Variants in LINGO2 observed in about 807,000 individuals in gnomAD.
LINGO2 encodes the protein leucine rich repeat and Ig domain containing 2.
A neutral mutation model predicts 30.6 loss-of-function variants in LINGO2; 14 were observed. That is an observed-to-expected ratio of 0.46 (90% confidence interval 0.30 to 0.72). The LOEUF is 0.72. Ranked by LOEUF, LINGO2 falls within the 30% of genes least tolerant of loss-of-function variation. LINGO2 has a pLI of 0.07. For missense variants in LINGO2, 729 were observed against 751.7 expected, an observed-to-expected ratio of 0.97 and a Z score of 0.35; for synonymous variants, 317 against 288.5, an observed-to-expected ratio of 1.10 and a Z score of -1.00.
chr9:29,104,625 C>A, the LINGO2 span, among the ~76,000 whole-genome samples: 1 of 151,940 alleles, frequency 6.6e-6, no homozygotes, highest in Non-Finnish European at 1.5e-5. Context: ...GACGAAATAC[C>A]AAAGAAGTCT....
the LINGO2 span, among the ~76,000 whole-genome samples, chr9:28,760,945 T>TACACACACACATAC: frequency 0.37 from 50,401 of 135,680 alleles, 10,021 homozygotes; most frequent in East Asian, 0.71. Flanking sequence ...TATATATATA[T>TACACACACACATAC]ACACACACAC....
chr9:28,048,720 TAAAGG>T (rs753837483), intron 4 of LINGO2, among the ~76,000 whole-genome samples: 2 of 150,736 alleles, frequency 1.3e-5, no homozygotes, highest in Non-Finnish European at 1.5e-5. Context: ...TGTCCAAGAT[TAAAGG>T]AAAAGATTTA....
the LINGO2 span, among the ~76,000 whole-genome samples, chr9:29,156,713 TAGAC>T: frequency 3.3e-5 from 5 of 152,068 alleles, no homozygotes; most frequent in South Asian, 2.1e-4. Flanking sequence ...CTAGCCTTCT[TAGAC>T]AGGTCTTTGA....
chr9:28,762,918 T>C, the LINGO2 span, among the ~76,000 whole-genome samples: 1 of 152,024 alleles, frequency 6.6e-6, no homozygotes, highest in African/African-American at 2.4e-5. Flanking sequence ...CAGAAATGTT[T>C]TTGAAAAGTA....
chr9:28,808,946 G>A, the LINGO2 span, among the ~76,000 whole-genome samples: 1 of 152,170 alleles, frequency 6.6e-6, no homozygotes, highest in Non-Finnish European at 1.5e-5. Context: ...AGTGCTGGGA[G>A]AAGCACTGGC....
chr9:28,302,634 G>C (rs540034295), intron 3 of LINGO2, among the ~76,000 whole-genome samples: 1 of 152,210 alleles, frequency 6.6e-6, no homozygotes, highest in South Asian at 2.1e-4. Flanking sequence ...TCACACCACT[G>C]TACTCCAACC....
chr9:28,329,539 T>A lies in LINGO2; in HGVS notation c.-245-34173A>T, dbSNP rs1825346440. ...ATTGACTCCTGGTACAACATGCATGTTCAGACTTGTTTGAGCCAGGGCTTC... is the reference window on the plus strand; with the variant it reads ...ATTGACTCCTGGTACAACATGCATGATCAGACTTGTTTGAGCCAGGGCTTC... On this transcript the variant is annotated intron_variant, in intron 3 of 5. Coordinates refer to ENST00000379992, the Ensembl canonical transcript of LINGO2. The surrounding 1 kb of genome is among the most constrained non-coding windows in gnomAD (Gnocchi z 4.5). 6.6e-6 allele frequency among the ~76,000 whole-genome samples: 1 copy of A among 152,144 alleles called. No homozygotes were observed. Among genetic ancestry groups the A allele is most frequent in the African/African-American group, 2.4e-5 (1 of 41,436 alleles).
At chr9:28,838,954 G>C in the LINGO2 span, among the ~76,000 whole-genome samples, 81 of 152,328 alleles carry the variant, frequency 5.3e-4, no homozygotes, top group African/African-American at 1.9e-3. Flanking sequence ...GCACCAGCAT[G>C]GGTGCCAGCT....
At chr9:28,677,388 G>T in the LINGO2 span, among the ~76,000 whole-genome samples, 2 of 152,278 alleles carry the variant, frequency 1.3e-5, no homozygotes, top group Admixed American at 1.3e-4. Flanking sequence ...GCTATCTGAA[G>T]GTATGGGCTA....
At chr9:28,125,675 T>G (rs1221988265) in intron 4 of LINGO2, among the ~76,000 whole-genome samples, 1 of 151,966 alleles carries the variant, frequency 6.6e-6, no homozygotes, top group Non-Finnish European at 1.5e-5. Flanking sequence ...AGACCAGAAC[T>G]CAGGGGAAAT....
the LINGO2 span, among the ~76,000 whole-genome samples, chr9:28,956,514 T>C: frequency 6.6e-6 from 1 of 152,086 alleles, no homozygotes; most frequent in Non-Finnish European, 1.5e-5. Flanking sequence ...CGTATAATGC[T>C]TGTGCACTAG....
At chr9:28,678,854 C>T in the LINGO2 span, among the ~76,000 whole-genome samples, 1 of 152,114 alleles carries the variant, frequency 6.6e-6, no homozygotes, top group South Asian at 2.1e-4. Context: ...CTCAACAGTA[C>T]TTTACTTAGA....
the LINGO2 span, among the ~76,000 whole-genome samples, chr9:28,841,814 A>C: frequency 1.3e-5 from 2 of 151,934 alleles, no homozygotes; most frequent in Admixed American, 6.5e-5. Context: ...ATAGCCACTC[A>C]AGAAATAGTT....
chr9:29,156,840 T>C, the LINGO2 span, among the ~76,000 whole-genome samples: 2 of 152,204 alleles, frequency 1.3e-5, no homozygotes, highest in African/African-American at 4.8e-5. Context: ...ATTCACTCTT[T>C]CAGGAGGGTA....
At chr9:29,206,414 G>C in the LINGO2 span, among the ~76,000 whole-genome samples, 2 of 152,154 alleles carry the variant, frequency 1.3e-5, no homozygotes, top group Admixed American at 6.5e-5. Flanking sequence ...CCAACACAAG[G>C]AGTCTATCGA....
intron 1 of LINGO2, among the ~76,000 whole-genome samples, chr9:28,563,533 C>G (rs576225683): frequency 6.6e-6 from 1 of 152,260 alleles, no homozygotes; most frequent in Non-Finnish European, 1.5e-5. Context: ...CATGTAATCT[C>G]AAATTAACTG....
At chr9:28,020,265 A>G (rs1251316837) in intron 4 of LINGO2, among the ~76,000 whole-genome samples, 1 of 152,150 alleles carries the variant, frequency 6.6e-6, no homozygotes, top group African/African-American at 2.4e-5. Context: ...GGGCTTATAC[A>G]ATAAACTAGA....
chr9:27,997,856 A>T (rs962595840), intron 5 of LINGO2, among the ~76,000 whole-genome samples: 40 of 138,342 alleles, frequency 2.9e-4, no homozygotes, highest in African/African-American at 1.0e-3. Context: ...TTCCCAAGTC[A>T]TGTTCAGTGG....
At chr9:28,045,698 A>T (rs1824389118) in intron 4 of LINGO2, among the ~76,000 whole-genome samples, 1 of 152,128 alleles carries the variant, frequency 6.6e-6, no homozygotes. Flanking sequence ...ACAATTAATA[A>T]GCAATGATTG....
Sources: allele counts gnomAD v4.1 joint callset (sites outside exome capture counted in the v4.1 genomes callset), GRCh38; gene constraint gnomAD v4.1.1; non-coding constraint Gnocchi (gnomAD v3.1); transcripts MANE v1.5; gene names NCBI Gene and HGNC (gene_info 2026-07-23, HGNC 2026-07-21).